KCTD1: variants seen among roughly 807,000 people sequenced by gnomAD.
KCTD1 encodes potassium channel tetramerization domain containing 1.
KCTD1 carries 24 observed loss-of-function variants against 66.0 expected under a neutral mutation model. That is an observed-to-expected ratio of 0.36 (90% CI 0.26 to 0.51). KCTD1 has a LOEUF of 0.51. Among genes scored for constraint, KCTD1 ranks in the 20% least tolerant of loss-of-function variants. The pLI, the probability that KCTD1 is intolerant of heterozygous loss-of-function variation, is 0.95. For missense variants in KCTD1, 943 were observed against 1,205.2 expected (o/e 0.78, Z 3.22); for synonymous variants, 511 against 517.2 (o/e 0.99, Z 0.16).
At chr18:26,631,501 A>G (rs1293589632), upstream of KCTD1, among the ~76,000 whole-genome samples, 1 of 152,192 alleles carries the variant, frequency 6.6e-6, no homozygotes, top group East Asian at 1.9e-4. Flanking sequence ...AGGTATTCTA[A>G]TCTAATGGGA....
intron 1 of KCTD1, among the ~76,000 whole-genome samples, chr18:26,638,122 C>T (rs1431373414): frequency 6.6e-6 from 1 of 152,214 alleles, no homozygotes; most frequent in African/African-American, 2.4e-5. Context: ...CATTTTCAGC[C>T]TGTATCATAC....
chr18:26,493,816 C>T (rs1982331049), intron 2 of KCTD1, among the ~76,000 whole-genome samples: 1 of 152,186 alleles, frequency 6.6e-6, no homozygotes, highest in Admixed American at 6.5e-5. Context: ...TAGATACTTT[C>T]TGTACCCATT....
intron 3 of KCTD1, among the ~76,000 whole-genome samples, chr18:26,466,362 A>C (rs1468218355): frequency 6.6e-6 from 1 of 152,172 alleles, no homozygotes; most frequent in Non-Finnish European, 1.5e-5. Flanking sequence ...CCTGAGAGAA[A>C]GCTTCCACTA....
rs1384736811 is a variant in KCTD1, at chr18:26,548,419, C to T, written c.118G>A (p.Gly40Ser). Residue 40 changes from glycine (G) to serine (S), a missense_variant, in exon 1 of 5, where the codon GGC becomes AGC. Around this residue, in one of 10 missense-constraint regions of KCTD1, gnomAD observed 236 missense variants for 206.6 expected, o/e 1.14. Transcript: ENST00000580059. ...ERGEGERGAG[G>S]RGRRHSRPHY... ...GGACGGCTGTGGCGGCGGCCGCGGC[C>T]CCCCGCGCCGCGCTCGCCCTCGCCC... 8.6e-5 allele frequency: 123 copies of T among 1,426,432 alleles called. No homozygotes were observed. The highest frequency in any genetic ancestry group is 1.1e-4 in the Non-Finnish European group (119 of 1,088,114). The allele number at this position is 1,426,432 out of a possible 1,614,324, so 88.4% of individuals were successfully genotyped here.
rs1988158380 is a variant in KCTD1, at chr18:26,656,824, T to TCGG, written c.9+533_9+535dup. Among the ~76,000 whole-genome samples the TCGG allele has an allele frequency of 1.4e-5, 2 of 143,126 alleles. 1 individual carries two copies. Among genetic ancestry groups the TCGG allele is most frequent in the Non-Finnish European group, 3.1e-5 (2 of 65,228 alleles). 93.9% of individuals were successfully genotyped at this position (143,126 alleles called of 152,430 possible). A position where few individuals can be genotyped will look rare whatever the true frequency, so the allele number is the denominator to read the frequency against. On this transcript the variant is annotated intron_variant, in intron 1 of 4. Coordinates refer to the KCTD1 transcript ENST00000580191. ...GGCGCCCCCGCGGCGCTGGGCGCTC[T>TCGG]CGGCGGGGCCGGTTTGCGGGCGCGG...
intron 1 of KCTD1, among the ~76,000 whole-genome samples, chr18:26,563,715 A>G (rs1985916272): frequency 6.6e-6 from 1 of 152,130 alleles, no homozygotes. Context: ...AAAATCTTTC[A>G]CCTTTTTGTT....
intron 1 of KCTD1, among the ~76,000 whole-genome samples, chr18:26,514,549 C>CAAAAAAAA (rs200444964): frequency 1.1e-4 from 13 of 121,816 alleles, no homozygotes; most frequent in Admixed American, 2.7e-4. Context: ...GACCTTGTCT[C>CAAAAAAAA]AAAAAAAAAA....
chr18:26,530,030 T>C (rs1180294414), intron 1 of KCTD1, among the ~76,000 whole-genome samples: 1 of 152,186 alleles, frequency 6.6e-6, no homozygotes, highest in African/African-American at 2.4e-5. Flanking sequence ...TTCTCTTCTG[T>C]AGAAAGGGTG....
At chr18:26,556,699 T>C (rs1332830834) in intron 1 of KCTD1, among the ~76,000 whole-genome samples, 1 of 152,212 alleles carries the variant, frequency 6.6e-6, no homozygotes, top group East Asian at 1.9e-4. Flanking sequence ...TATGAGTATA[T>C]GTGAGGGTTG....
intron 1 of KCTD1, among the ~76,000 whole-genome samples, chr18:26,564,148 G>T (rs1028748331): frequency 1.3e-5 from 2 of 151,934 alleles, no homozygotes; most frequent in Admixed American, 1.3e-4. Flanking sequence ...TGTAAGCTCC[G>T]TGTATCCATT....
chr18:26,509,288 C>T (rs1189765733), intron 1 of KCTD1, among the ~76,000 whole-genome samples: 1 of 152,080 alleles, frequency 6.6e-6, no homozygotes, highest in Non-Finnish European at 1.5e-5. Context: ...AAAAAGTCTT[C>T]TGAGTATCCA....
intron 1 of KCTD1, among the ~76,000 whole-genome samples, chr18:26,532,261 CTTTTTTTTTTTT>C (rs533359603): frequency 1.0e-4 from 3 of 29,556 alleles, no homozygotes; most frequent in South Asian, 1.6e-3. Flanking sequence ...TTCTTTCCTT[CTTTTTTTTTTTT>C]TTTTTTTTTT....
At chr18:26,491,175 GTT>G (rs1186914128) in intron 2 of KCTD1, among the ~76,000 whole-genome samples, 1 of 152,166 alleles carries the variant, frequency 6.6e-6, no homozygotes, top group Non-Finnish European at 1.5e-5. Context: ...TGTCGCACTG[GTT>G]GTTGCATTGG....
At chr18:26,603,777 A>AATAAATAC (rs1568006916) in intron 1 of KCTD1, among the ~76,000 whole-genome samples, 1 of 150,902 alleles carries the variant, frequency 6.6e-6, no homozygotes, top group Non-Finnish European at 1.5e-5. Flanking sequence ...TAAATAAATA[A>AATAAATAC]ATAAATAAAT....
chr18:26,528,971 C>T (rs562790174), intron 1 of KCTD1, among the ~76,000 whole-genome samples: 22 of 152,324 alleles, frequency 1.4e-4, no homozygotes, highest in Admixed American at 3.3e-4. Flanking sequence ...CTTCAATTAT[C>T]ATCTGTAAAC....
At chr18:26,539,369 G>A (rs1984864204) in intron 1 of KCTD1, among the ~76,000 whole-genome samples, 1 of 152,230 alleles carries the variant, frequency 6.6e-6, no homozygotes, top group South Asian at 2.1e-4. Flanking sequence ...GCACTGCCTA[G>A]GAGTCTTTTC....
chr18:26,461,536 TAAGAC>T (rs1447299669), intron 3 of KCTD1, among the ~76,000 whole-genome samples: 10 of 152,184 alleles, frequency 6.6e-5, no homozygotes, highest in African/African-American at 9.7e-5. Context: ...TGGCCACTCT[TAAGAC>T]AGGGCAGAAC....
intron 2 of KCTD1, among the ~76,000 whole-genome samples, chr18:26,490,175 G>A (rs560814145): frequency 1.3e-3 from 197 of 152,190 alleles, no homozygotes; most frequent in Non-Finnish European, 2.4e-3. Context: ...GCATGGTGAC[G>A]CGTTTACATC....
intron 3 of KCTD1, among the ~76,000 whole-genome samples, chr18:26,466,812 A>T (rs1349109324): frequency 6.6e-6 from 1 of 152,202 alleles, no homozygotes; most frequent in African/African-American, 2.4e-5. Context: ...ACGTAAACCC[A>T]TCATGTCTTT....
Sources: allele counts gnomAD v4.1 joint callset (sites outside exome capture counted in the v4.1 genomes callset), GRCh38; gene constraint gnomAD v4.1.1; regional missense constraint gnomAD v4.1.1; transcripts MANE v1.5; gene names NCBI Gene and HGNC (gene_info 2026-07-23, HGNC 2026-07-21).